Variants in AMMECR1 observed in about 807,000 individuals in gnomAD.
AMMECR1 encodes AMMECR nuclear protein 1, also known as nuclear protein AMMECR1.
In AMMECR1, 3 loss-of-function variants were observed where a neutral mutation model predicts 22.5. The observed-to-expected ratio is 0.13, with a 90% CI of 0.06 to 0.35. The LOEUF (loss-of-function observed/expected upper bound fraction) is 0.35. Among genes scored for constraint, AMMECR1 ranks in the 10% least tolerant of loss-of-function variants. The pLI is 1.00. For synonymous variants in AMMECR1, 130 were observed against 116.7 expected, an observed-to-expected ratio of 1.11 and a Z score of -0.74; for missense variants, 235 against 278.7, an observed-to-expected ratio of 0.84 and a Z score of 1.12.
chrX:110,339,269 T>C (rs1307354398), intron 2 of AMMECR1, among the ~76,000 whole-genome samples: 1 of 110,486 alleles, frequency 9.1e-6, no homozygotes. Flanking sequence ...TTATCAAGAA[T>C]GAAGGGTTCA....
At chrX:110,439,881 G>C (rs1441069591) in intron 1 of AMMECR1, 1 of 110,626 alleles carries the variant, frequency 9.0e-6, no homozygotes, top group Non-Finnish European at 1.9e-5. Flanking sequence ...GAGTAAGCCG[G>C]GTACTTACAG....
At chrX:110,299,836 GT>G (rs2067956449) in intron 1 of AMMECR1, among the ~76,000 whole-genome samples, 1 of 111,772 alleles carries the variant, frequency 8.9e-6, no homozygotes, top group African/African-American at 3.2e-5. Context: ...TTAGCATAAT[GT>G]TTTCCAGGTT....
intron 2 of AMMECR1, among the ~76,000 whole-genome samples, chrX:110,408,085 G>A (rs1174454253): frequency 3.5e-5 from 4 of 112,878 alleles, no homozygotes; most frequent in Non-Finnish European, 7.5e-5. Context: ...CCCAAAGAGA[G>A]TGGCAACAAC....
At chrX:110,268,660 C>T (rs1001993596) in intron 1 of AMMECR1, among the ~76,000 whole-genome samples, 1 of 111,408 alleles carries the variant, frequency 9.0e-6, no homozygotes, top group Middle Eastern at 4.2e-3. Context: ...TTTTTCTTCA[C>T]GCAACACAGA....
intron 1 of AMMECR1, among the ~76,000 whole-genome samples, chrX:110,279,157 AGATT>A (rs1415391012): frequency 8.9e-6 from 1 of 112,134 alleles, no homozygotes; most frequent in Non-Finnish European, 1.9e-5. Context: ...GAATATTATT[AGATT>A]GATTAAAAAA....
At chrX:110,426,730 C>T (rs1020316210) in exon 2 of AMMECR1, 1 of 111,712 alleles carries the variant, frequency 9.0e-6, no homozygotes, top group Non-Finnish European at 1.9e-5. Context: ...GGGTAGTCAC[C>T]GTCTTCCTTT....
intron 1 of AMMECR1, among the ~76,000 whole-genome samples, chrX:110,303,686 T>G (rs1387885413): frequency 1.8e-5 from 2 of 112,152 alleles, no homozygotes; most frequent in East Asian, 5.5e-4. Flanking sequence ...CTCACTCTAA[T>G]AGTATATAAT....
chrX:110,229,812 C>T (rs1043967029), intron 2 of AMMECR1, among the ~76,000 whole-genome samples: 6 of 112,476 alleles, frequency 5.3e-5, no homozygotes, highest in Non-Finnish European at 7.5e-5. Context: ...AAATACTATG[C>T]TTTTACCAAG....
At chrX:110,217,758 A>G (rs1271939858) in intron 2 of AMMECR1, among the ~76,000 whole-genome samples, 1 of 111,135 alleles carries the variant, frequency 9.0e-6, no homozygotes, top group Non-Finnish European at 1.9e-5. Context: ...ACATAGTTCC[A>G]TAGACTTGGA....
At chrX:110,384,997 C>T (rs200656920) in intron 2 of AMMECR1, among the ~76,000 whole-genome samples, 2 of 110,637 alleles carry the variant, frequency 1.8e-5, no homozygotes, top group East Asian at 5.6e-4. Flanking sequence ...ACTTTGAAAG[C>T]CTAAGACTAT....
intron 1 of AMMECR1, among the ~76,000 whole-genome samples, chrX:110,268,999 G>GTAATTTTCCTACT (rs1403441080): frequency 1.4e-4 from 16 of 111,999 alleles, no homozygotes; most frequent in African/African-American, 4.5e-4. Flanking sequence ...AGCTTTTAAA[G>GTAATTTTCCTACT]TAATTTTCCT....
At chrX:110,229,144 T>C (rs1482041024) in intron 2 of AMMECR1, among the ~76,000 whole-genome samples, 1 of 112,541 alleles carries the variant, frequency 8.9e-6, no homozygotes, top group Non-Finnish European at 1.9e-5. Flanking sequence ...GCAAACCTAC[T>C]TTCCAATCTC....
intron 2 of AMMECR1, chrX:110,346,882 T>C (rs779929044): frequency 3.2e-6 from 2 of 625,121 alleles, no homozygotes; most frequent in South Asian, 2.3e-5. Flanking sequence ...ACTTTCTTCG[T>C]AGCGGCGACG....
chrX:110,382,005 A>G (rs1227670941), intron 2 of AMMECR1, among the ~76,000 whole-genome samples: 2 of 111,407 alleles, frequency 1.8e-5, no homozygotes, highest in Non-Finnish European at 3.8e-5. Flanking sequence ...TGAATCTAAA[A>G]TAAAAATTAA....
intron 1 of AMMECR1, among the ~76,000 whole-genome samples, chrX:110,290,746 T>C (rs974367636): frequency 2.7e-5 from 3 of 111,779 alleles, no homozygotes; most frequent in Non-Finnish European, 5.6e-5. Context: ...ACAAGACTTA[T>C]GCAACTTCTC....
At chrX:110,380,382 C>G (rs773382008) in intron 2 of AMMECR1, among the ~76,000 whole-genome samples, 4 of 111,554 alleles carry the variant, frequency 3.6e-5, no homozygotes, top group African/African-American at 1.3e-4. Flanking sequence ...AAGAATACAT[C>G]TAACCAAAGA....
At chrX:110,391,547 T>C (rs2068493535) in intron 2 of AMMECR1, among the ~76,000 whole-genome samples, 1 of 112,268 alleles carries the variant, frequency 8.9e-6, no homozygotes. Flanking sequence ...TTCCTACCTC[T>C]GGCTTTTGCT....
intron 1 of AMMECR1, among the ~76,000 whole-genome samples, chrX:110,429,383 T>C (rs1175278186): frequency 8.9e-6 from 1 of 111,916 alleles, no homozygotes; most frequent in Non-Finnish European, 1.9e-5. Flanking sequence ...TCCCTCATTA[T>C]TAGCTATGCA....
intron 2 of AMMECR1, among the ~76,000 whole-genome samples, chrX:110,339,418 A>AAC (rs2068154223): frequency 9.4e-6 from 1 of 106,813 alleles, no homozygotes; most frequent in Non-Finnish European, 1.9e-5. Flanking sequence ...AAAAAAAAAA[A>AAC]AAAAAAACAA....
Sources: allele counts gnomAD v4.1 joint callset (sites outside exome capture counted in the v4.1 genomes callset), GRCh38; gene constraint gnomAD v4.1.1; transcripts MANE v1.5; gene names NCBI Gene and HGNC (gene_info 2026-07-23, HGNC 2026-07-21).